Variants in MX1 observed in about 807,000 individuals in gnomAD.
MX1 encodes the protein MX dynamin like GTPase 1, also known as interferon-induced GTP-binding protein Mx1.
MX1 carries 66 observed loss-of-function variants against 66.4 expected under a neutral mutation model. The ratio of observed to expected loss-of-function variants is 0.99; its 90% CI spans 0.82 to 1.22. MX1 has a LOEUF of 1.22. MX1 is among the 50% of genes most tolerant of loss of function. MX1 has a pLI of 0.00. For missense variants in MX1, 787 were observed against 834.3 expected (o/e 0.94, Z 0.70); for synonymous variants, 311 against 318.1 (o/e 0.98, Z 0.24).
chr21:41,449,492 AC>A (rs1034739165), intron 14 of MX1, 197 bp downstream of exon 14: 4 of 510,590 alleles, frequency 7.8e-6, no homozygotes, highest in African/African-American at 2.0e-5. Context: ...GTCAGTGTGG[AC>A]CCCATAGCTT....
At position 41,446,017 on chromosome 21, in the gene MX1, T is replaced by A. The variant is rs771142630; in HGVS notation, c.1149T>A (p.Asn383Lys). 2.5e-6 allele frequency: 4 copies of A among 1,613,892 alleles called. No individual in the cohort carries two copies. Among genetic ancestry groups the A allele is most frequent in the Non-Finnish European group, 3.4e-6 (4 of 1,179,924 alleles). ...FFLIDKVNAFNQDITALMQGE... is the reference protein window; with the variant it reads ...FFLIDKVNAFKQDITALMQGE... ...CTTGACAGAAAGTTAATGCCTTTAA[T>A]CAGGACATCACTGCTCTCATGCAAG... Residue 383 changes from asparagine (N) to lysine (K), a missense_variant, in exon 13 of 17, where the codon AAT (asparagine) becomes AAA (lysine). Asn to Lys is a moderately conservative substitution (Grantham distance 94). Transcript: ENST00000398598.
chr21:41,451,848 A>G (rs960748565), intron 15 of MX1, among the ~76,000 whole-genome samples: 3 of 146,544 alleles, frequency 2.0e-5, no homozygotes, highest in African/African-American at 5.2e-5. Flanking sequence ...AAAAAAAAAA[A>G]AAACAAACAA....
chr21:41,434,685 C>A (rs1330250649), intron 5 of MX1, among the ~76,000 whole-genome samples: 1 of 152,136 alleles, frequency 6.6e-6, no homozygotes, highest in African/African-American at 2.4e-5. Context: ...GTGCGAGAAC[C>A]TTAGAATAGT....
At chr21:41,431,912 A>G (rs942000516) in intron 4 of MX1, 138 bp from the exon 5 acceptor site, 20 of 642,078 alleles carry the variant, frequency 3.1e-5, no homozygotes, top group Admixed American at 1.3e-4. Context: ...GCACTCTTCT[A>G]CGCTCTGGGG....
intron 10 of MX1, 116 bp downstream of exon 10, chr21:41,442,030 T>G (rs1397729114): frequency 1.2e-6 from 1 of 855,760 alleles, no homozygotes; most frequent in Non-Finnish European, 1.8e-6. Context: ...TGTGTGCGTG[T>G]GTGTGTGTGC....
upstream of MX1, among the ~76,000 whole-genome samples, chr21:41,421,537 C>T (rs1347097733): frequency 6.6e-6 from 1 of 152,208 alleles, no homozygotes; most frequent in Non-Finnish European, 1.5e-5. Context: ...GTCCCTGCGG[C>T]CTTCCGCAGT....
At chr21:41,440,483 C>CA (rs907851017) in intron 8 of MX1, among the ~76,000 whole-genome samples, 6 of 152,050 alleles carry the variant, frequency 3.9e-5, no homozygotes, top group South Asian at 2.1e-4. Context: ...TGTCTCAAAA[C>CA]AAAAAACAAA....
intron 13 of MX1, among the ~76,000 whole-genome samples, chr21:41,447,637 T>A (rs467639): frequency 0.62 from 94,853 of 152,024 alleles, 30,781 homozygotes; most frequent in Non-Finnish European, 0.73. Flanking sequence ...AAGTGGGAAG[T>A]TATCACTGAT....
chr21:41,450,109 C>A (rs6517666), intron 14 of MX1, among the ~76,000 whole-genome samples: 76,797 of 151,812 alleles, frequency 0.51, 20,750 homozygotes, highest in African/African-American at 0.71. Flanking sequence ...CACACCTCCC[C>A]CCTGCTCCAC....
At position 41,441,518 on chromosome 21, in the gene MX1, T is replaced by C; in HGVS notation, c.731-198T>C. 1 of 610,554 alleles carries C rather than the reference T, an allele frequency of 1.6e-6. No homozygotes were observed. Among genetic ancestry groups the C allele is most frequent in the Non-Finnish European group, 2.9e-6 (1 of 343,294 alleles). The allele number at this position is 610,554 out of a possible 1,614,324, so 37.8% of individuals were successfully genotyped here. ...GAGCCACATGCTGTTCTGGGAGGCA[T>C]CCCTGCCTTCACGCGGCTTGTCGTG... is the stretch of plus-strand genomic sequence containing the variant. On this transcript the variant is annotated intron_variant, in intron 9 of 16. Transcript: ENST00000398598. This position sits in a 1 kb window ranked among gnomAD's most constrained non-coding sequence, Gnocchi z 4.0.
At chr21:41,452,556 T>C (rs2090858522) in intron 15 of MX1, 65 bp from the exon 16 acceptor site, 1 of 1,525,082 alleles carries the variant, frequency 6.6e-7, no homozygotes, top group African/African-American at 1.4e-5. Flanking sequence ...ACTTCTTACC[T>C]ACTTTCCTGT....
intron 16 of MX1, 109 bp from the exon 17 acceptor site, chr21:41,458,418 AG>A (rs1196032365): frequency 8.0e-7 from 1 of 1,255,534 alleles, no homozygotes. Context: ...TTGCCCTGCG[AG>A]GGTCTCCCTC....
At position 41,447,945 on chromosome 21, in the gene MX1, G is replaced by T. The variant is rs1020113093; in HGVS notation, c.1274-1192G>T. ...GGGTTTCACCATGTTGGCCAGGCTG[G>T]TCTCGACCTCCTGACCTCAGGTGAT... On this transcript the variant is annotated intron_variant, in intron 13 of 16. Coordinates refer to ENST00000398598, the MANE Select transcript of MX1 (RefSeq NM_002462.5). 3.9e-5 allele frequency among the ~76,000 whole-genome samples: 6 copies of T among 152,166 alleles called. No homozygotes were observed. The East Asian group carries it at 9.6e-4, about 24-fold the overall frequency.
In MX1 at chr21:41,441,073, GCCTGTGCTCGGTGAGAATGGGGGAGCCCA is replaced by G. The variant is rs757886498; in HGVS notation, c.730+77_730+105del. ...GTGCTCAGTGAGAATGGGGGAGCCCGCCTGTGCTCGGTGAGAATGGGGGAGCCCACCTGTGCTCGGTGAGAATGGGGGAG... is the reference window on the plus strand; with the variant it reads ...GTGCTCAGTGAGAATGGGGGAGCCCGCCTGTGCTCGGTGAGAATGGGGGAG... On this transcript the variant is annotated intron_variant, in intron 9 of 16. Transcript: ENST00000398598. The surrounding 1 kb of genome is among the most constrained non-coding windows in gnomAD (Gnocchi z 4.0). 0.013 allele frequency: 19,549 copies of G among 1,497,984 alleles called. 1,085 individuals carry two copies. Among genetic ancestry groups the G allele is most frequent in the East Asian group, 0.1 (4,366 of 43,050 alleles). The allele number at this position is 1,497,984 out of a possible 1,614,324, so 92.8% of individuals were successfully genotyped here.
chr21:41,437,148 TA>T lies in MX1; in HGVS notation c.435del (p.Ala146ProfsTer16), dbSNP rs768897139. The T allele has an allele frequency of 1.1e-5, 18 of 1,613,824 alleles. No individual in the cohort carries two copies. Among genetic ancestry groups the T allele is most frequent in the Non-Finnish European group, 6.8e-6 (8 of 1,179,910 alleles). On this transcript the variant is annotated frameshift_variant, in exon 7 of 17. Transcript: ENST00000398598. LOFTEE classifies it high-confidence loss of function. ...DASEVEKEIN[K>X]AQNAIAGEGM... ...CTTCAGAGGTAGAAAAGGAAATTAATAAAGGTGAGTACCCCCTGTTTGGATG... is the reference window on the plus strand; with the variant it reads ...CTTCAGAGGTAGAAAAGGAAATTAATAAGGTGAGTACCCCCTGTTTGGATG...
Position 41,458,558 on chromosome 21 carries a change from C to T in MX1, c.1789C>T (p.Pro597Ser). Residue 597 changes from proline to serine, a missense_variant, in exon 17 of 17, where the codon CCT becomes TCT. Physicochemically the swap from Pro to Ser is moderately conservative, Grantham distance 74 (BLOSUM62 -1). Coordinates refer to ENST00000398598, the MANE Select transcript of MX1 (RefSeq NM_002462.5). ...EASKRISSHIPLIIQFFMLQT... is the reference protein window; with the variant it reads ...EASKRISSHISLIIQFFMLQT... ...CAGCAAGCGCATCTCCAGCCACATC[C>T]CTTTGATCATCCAGTTCTTCATGCT... 6.2e-7 allele frequency: 1 copy of T among 1,606,968 alleles called. No individual in the cohort carries two copies. The highest frequency in any genetic ancestry group is 8.5e-7 in the Non-Finnish European group (1 of 1,176,808).
At chr21:41,443,031 G>A (rs1038380877) in intron 10 of MX1, among the ~76,000 whole-genome samples, 1 of 152,190 alleles carries the variant, frequency 6.6e-6, no homozygotes, top group African/African-American at 2.4e-5. Context: ...GACAGACAGT[G>A]GTGATGGTTG....
At chr21:41,448,667 G>A (rs991447167) in intron 13 of MX1, among the ~76,000 whole-genome samples, 4 of 152,082 alleles carry the variant, frequency 2.6e-5, no homozygotes, top group South Asian at 2.1e-4. Flanking sequence ...TTAGCCGGGC[G>A]TGGTGGCGGG....
At position 41,452,818 on chromosome 21, in the gene MX1, A is replaced by C; in HGVS notation, c.1707A>C (p.Ala569=). 1 of 1,614,212 alleles carries C rather than the reference A, an allele frequency of 6.2e-7. No individual in the cohort carries two copies. The highest frequency in any genetic ancestry group is 8.5e-7 in the Non-Finnish European group (1 of 1,180,038). Residue 569 remains alanine (A), a synonymous_variant, in exon 16 of 17, where the codon GCA becomes GCC. Transcript: ENST00000398598. ...TTGGGGCTTTCCAGTCCAGCTCGGC[A>C]ACAGACTCTTCCATGGAGGAGATCT... The part of the protein sequence containing the change: ...WDFGAFQSSS[A]TDSSMEEIFQ...
Sources: allele counts gnomAD v4.1 joint callset (sites outside exome capture counted in the v4.1 genomes callset), GRCh38; gene constraint gnomAD v4.1.1; non-coding constraint Gnocchi (gnomAD v3.1); transcripts MANE v1.5; gene names NCBI Gene and HGNC (gene_info 2026-07-23, HGNC 2026-07-21).